Variants in SPIDR observed in about 807,000 individuals in gnomAD.
SPIDR encodes the protein scaffold protein involved in DNA repair, also known as DNA repair-scaffolding protein.
A neutral mutation model predicts 104.6 loss-of-function variants in SPIDR; 93 were observed. The ratio of observed to expected loss-of-function variants is 0.89; its 90% CI spans 0.75 to 1.06. SPIDR has a LOEUF of 1.06. Among genes scored for constraint, SPIDR ranks in the 50% least tolerant of loss-of-function variants. The pLI, the probability that SPIDR is intolerant of heterozygous loss-of-function variation, is 0.00. For synonymous variants in SPIDR, 431 were observed against 416.9 expected, an observed-to-expected ratio of 1.03 and a Z score of -0.41; for missense variants, 1,154 against 1,111.2, an observed-to-expected ratio of 1.04 and a Z score of -0.55.
chr8:47,598,732 T>G (rs1203527076), intron 9 of SPIDR, among the ~76,000 whole-genome samples: 1 of 152,198 alleles, frequency 6.6e-6, no homozygotes, highest in Non-Finnish European at 1.5e-5. Context: ...GTTCTTTCAC[T>G]CGCCTTCAGC....
chr8:47,541,216 A>C (rs776444622), intron 8 of SPIDR, among the ~76,000 whole-genome samples: 1 of 152,218 alleles, frequency 6.6e-6, no homozygotes, highest in African/African-American at 2.4e-5. Context: ...AATTATTTAC[A>C]TGAATTATCT....
Position 47,578,201 on chromosome 8 carries a change from G to A in SPIDR, c.1098-17610G>A, listed in dbSNP as rs1390785170. 3.3e-5 allele frequency among the ~76,000 whole-genome samples: 5 copies of A among 152,298 alleles called. No homozygotes were observed. In the South Asian group the frequency reaches 8.3e-4, roughly 25 times the overall value. On this transcript the variant is annotated intron_variant, in intron 8 of 19. Coordinates refer to ENST00000297423, the MANE Select transcript of SPIDR (RefSeq NM_001080394.4). ...TCAAAAAACATAATCAGCCGGGTGC[G>A]GTGGCTCACGCCTGTAATCCCAGCA...
rs190600566 is a variant in SPIDR, at chr8:47,336,972, G to C, written c.525+42942G>C. Reference sequence around the variant, plus strand: ...ACTTTTCATTATAGCATTCTAAGTGGGTGTGGAATGGTATCTTTTTTGTTT... The same window carrying C: ...ACTTTTCATTATAGCATTCTAAGTGCGTGTGGAATGGTATCTTTTTTGTTT... On this transcript the variant is annotated intron_variant, in intron 5 of 19. Coordinates refer to ENST00000297423, the MANE Select transcript of SPIDR (RefSeq NM_001080394.4). Among the ~76,000 whole-genome samples, 5 of 152,150 alleles carry C rather than the reference G, an allele frequency of 3.3e-5. No individual in the cohort carries two copies. In the East Asian group the frequency reaches 9.6e-4, roughly 29 times the overall value.
intron 15 of SPIDR, 136 bp from the exon 16 acceptor site, chr8:47,713,349 CAATG>C (rs1278116227): frequency 8.1e-7 from 1 of 1,230,080 alleles, no homozygotes; most frequent in African/African-American, 1.5e-5. Context: ...TGTGCACACA[CAATG>C]AACGTGCTGC....
intron 10 of SPIDR, among the ~76,000 whole-genome samples, chr8:47,669,995 T>C (rs1026811667): frequency 2.6e-5 from 4 of 152,116 alleles, no homozygotes; most frequent in Middle Eastern, 3.2e-3. Flanking sequence ...TGAGACTCTG[T>C]TTCAAAAGAA....
At chr8:47,408,015 A>G (rs2062986945) in intron 7 of SPIDR, 54 bp downstream of exon 7, 1 of 977,858 alleles carries the variant, frequency 1.0e-6, no homozygotes, top group Non-Finnish European at 1.5e-6. Context: ...TTTAGTTAAA[A>G]GAATTCTTAC....
At chr8:47,608,848 C>T (rs2063287049) in intron 10 of SPIDR, among the ~76,000 whole-genome samples, 4 of 152,328 alleles carry the variant, frequency 2.6e-5, no homozygotes, top group South Asian at 2.1e-4. Context: ...CTCAGCCTCC[C>T]GAGTAGCTGG....
intron 10 of SPIDR, among the ~76,000 whole-genome samples, chr8:47,607,572 TA>T (rs949236820): frequency 2.6e-5 from 4 of 151,668 alleles, no homozygotes; most frequent in African/African-American, 9.7e-5. Context: ...TCAAGCTTAC[TA>T]AATTTCTTTT....
At position 47,386,914 on chromosome 8, in the gene SPIDR, T is replaced by G. The variant is rs782814122; in HGVS notation, c.526-9462T>G. The stretch of plus-strand genomic sequence containing the variant: ...AGAAAGAGAGAGAGAGATATAGATA[T>G]AGATATAGATATAGATATAGATATA... On this transcript the variant is annotated intron_variant, in intron 5 of 19. Coordinates refer to ENST00000297423, the MANE Select transcript of SPIDR (RefSeq NM_001080394.4). Among the ~76,000 whole-genome samples the G allele has an allele frequency of 1.2e-3, 28 of 24,316 alleles. 1 individual carries two copies. Among genetic ancestry groups the G allele is most frequent in the African/African-American group, 5.7e-3 (23 of 4,032 alleles). 16.0% of individuals were successfully genotyped at this position (24,316 alleles called of 152,430 possible). A position where few individuals can be genotyped will look rare whatever the true frequency, so the allele number is the denominator to read the frequency against.
At chr8:47,667,265 A>G (rs901172860) in intron 10 of SPIDR, among the ~76,000 whole-genome samples, 1 of 152,086 alleles carries the variant, frequency 6.6e-6, no homozygotes, top group Admixed American at 6.6e-5. Flanking sequence ...TGGGCAACAG[A>G]GGGAGACTCG....
intron 10 of SPIDR, among the ~76,000 whole-genome samples, chr8:47,664,831 G>A (rs1232608988): frequency 1.3e-5 from 2 of 151,434 alleles, no homozygotes; most frequent in African/African-American, 4.9e-5. Context: ...GGGAGATCGA[G>A]GCTGCAGTGA....
intron 8 of SPIDR, among the ~76,000 whole-genome samples, chr8:47,561,848 T>A (rs557963178): frequency 6.6e-6 from 1 of 152,338 alleles, no homozygotes; most frequent in Non-Finnish European, 1.5e-5. Flanking sequence ...CGTACACTGA[T>A]ACAAAGAAGT....
chr8:47,563,532 T>C (rs1428098340), intron 8 of SPIDR, among the ~76,000 whole-genome samples: 1 of 152,180 alleles, frequency 6.6e-6, no homozygotes, highest in African/African-American at 2.4e-5. Context: ...GTTCTCCACT[T>C]GGCCACATCA....
intron 10 of SPIDR, among the ~76,000 whole-genome samples, chr8:47,624,258 G>C (rs2065638411): frequency 6.6e-6 from 1 of 152,164 alleles, no homozygotes; most frequent in Non-Finnish European, 1.5e-5. Context: ...GAAATTGATA[G>C]CACTAAATGC....
chr8:47,552,128 C>A (rs1458608301), intron 8 of SPIDR, among the ~76,000 whole-genome samples: 1 of 152,184 alleles, frequency 6.6e-6, no homozygotes. Flanking sequence ...GCACTGTGGT[C>A]TGAGAGACAG....
At chr8:47,583,761 G>A (rs2059984511) in intron 8 of SPIDR, among the ~76,000 whole-genome samples, 1 of 152,206 alleles carries the variant, frequency 6.6e-6, no homozygotes, top group Non-Finnish European at 1.5e-5. Context: ...ACTCCAAAGT[G>A]CAGTCCTTGT....
chr8:47,342,165 T>C (rs1479796642), intron 5 of SPIDR, among the ~76,000 whole-genome samples: 2 of 152,054 alleles, frequency 1.3e-5, no homozygotes, highest in African/African-American at 4.8e-5. Flanking sequence ...TTTATCGTCA[T>C]ATGGAATTGT....
intron 10 of SPIDR, among the ~76,000 whole-genome samples, chr8:47,647,870 C>A (rs1026925992): frequency 2.0e-5 from 3 of 152,004 alleles, no homozygotes; most frequent in African/African-American, 7.2e-5. Flanking sequence ...AGATCTGGTA[C>A]TTGAGGATGC....
At chr8:47,489,918 A>T (rs1306478159) in intron 8 of SPIDR, among the ~76,000 whole-genome samples, 4 of 152,094 alleles carry the variant, frequency 2.6e-5, no homozygotes, top group African/African-American at 4.8e-5. Flanking sequence ...AACCTAGGCA[A>T]TACCATTCAG....
Sources: gnomAD v4.1 joint callset for allele counts (sites outside exome capture counted in the v4.1 genomes callset) on GRCh38, gnomAD v4.1.1 for gene constraint, MANE v1.5 for transcripts, NCBI Gene and HGNC (gene_info 2026-07-23, HGNC 2026-07-21) for gene names.